Variants in EVC observed in about 807,000 individuals in gnomAD.
The protein encoded by EVC is evC complex member EVC.
Under a neutral mutation model 118.9 loss-of-function variants are expected in EVC, and 116 were observed. That is an observed-to-expected ratio of 0.98 (90% CI 0.84 to 1.14). The LOEUF (loss-of-function observed/expected upper bound fraction) is 1.14. EVC is among the 50% of genes most tolerant of loss of function. EVC has a pLI of 0.00. For missense variants in EVC, 1,401 were observed against 1,246.4 expected (o/e 1.12, Z -1.87); for synonymous variants, 619 against 534.7 (o/e 1.16, Z -2.18).
intron 2 of EVC, among the ~76,000 whole-genome samples, chr4:5,726,732 C>T (rs752048601): frequency 1.6e-5 from 2 of 124,310 alleles, no homozygotes; most frequent in South Asian, 3.1e-4. Context: ...TCCCCCCACC[C>T]GACAACAGTC....
At chr4:5,820,253 C>T in the EVC span, among the ~76,000 whole-genome samples, 1 of 152,200 alleles carries the variant, frequency 6.6e-6, no homozygotes, top group Admixed American at 6.5e-5. Flanking sequence ...TCATCACTAT[C>T]ACCAACACCA....
At chr4:5,815,259 T>C (rs1717493046), downstream of EVC, among the ~76,000 whole-genome samples, 1 of 152,112 alleles carries the variant, frequency 6.6e-6, no homozygotes, top group African/African-American at 2.4e-5. Flanking sequence ...CTCCATGAGC[T>C]TTACAGTGAA....
At chr4:5,796,468 G>T (rs1177291393) in intron 13 of EVC, among the ~76,000 whole-genome samples, 2 of 152,080 alleles carry the variant, frequency 1.3e-5, no homozygotes, top group African/African-American at 4.8e-5. Flanking sequence ...CTCCACCCAT[G>T]TTGGAATTTA....
chr4:5,752,720 C>A, intron 8 of EVC, 116 bp from the exon 9 acceptor site: 2 of 1,058,182 alleles, frequency 1.9e-6, no homozygotes, highest in Non-Finnish European at 1.5e-6. Context: ...GAGCTCCGCT[C>A]TCCCAGGCAG....
At position 5,798,566 on chromosome 4, in the gene EVC, C is replaced by T. The variant is rs1020590449; in HGVS notation, c.2098-20C>T. The T allele has an allele frequency of 6.4e-7, 1 of 1,551,738 alleles. No individual in the cohort carries two copies. The highest frequency in any genetic ancestry group is 8.7e-7 in the Non-Finnish European group (1 of 1,148,222). On this transcript the variant is annotated intron_variant, in intron 14 of 20. Transcript: ENST00000264956. The surrounding 1 kb of genome is among the most constrained non-coding windows in gnomAD (Gnocchi z 4.1). ...GTGAGAGGAGCACTTGGCCCCTGCT[C>T]CCAGTCCTTTCCCTCCCAGGAGGCG...
chr4:5,718,619 T>A (rs1423311190), intron 1 of EVC, among the ~76,000 whole-genome samples: 2 of 152,182 alleles, frequency 1.3e-5, no homozygotes, highest in Non-Finnish European at 2.9e-5. Context: ...ACTGAGCACG[T>A]GCATGCTGGG....
chr4:5,725,527 G>A (rs1725671121), intron 2 of EVC, among the ~76,000 whole-genome samples: 1 of 152,112 alleles, frequency 6.6e-6, no homozygotes. Flanking sequence ...GTTTTCTTTT[G>A]AGAAATGTCT....
At chr4:5,723,355 A>C (rs960111079) in intron 2 of EVC, among the ~76,000 whole-genome samples, 1 of 151,660 alleles carries the variant, frequency 6.6e-6, no homozygotes, top group East Asian at 1.9e-4. Context: ...ACACCCAGCT[A>C]ATTTGTGTAT....
the EVC span, among the ~76,000 whole-genome samples, chr4:5,819,895 A>G: frequency 0.49 from 73,769 of 151,822 alleles, 21,166 homozygotes; most frequent in African/African-American, 0.8. Context: ...CAACCTTGAC[A>G]AAGGTATCCA....
intron 2 of EVC, among the ~76,000 whole-genome samples, chr4:5,722,726 T>C (rs1725162195): frequency 6.6e-6 from 1 of 152,238 alleles, no homozygotes; most frequent in Non-Finnish European, 1.5e-5. Context: ...AACCCCTTTA[T>C]ATTGGTGATG....
chr4:5,719,338 G>C lies in EVC; in HGVS notation c.265G>C (p.Glu89Gln). 6.2e-7 allele frequency: 1 copy of C among 1,614,200 alleles called. No homozygotes were observed. The highest frequency in any genetic ancestry group is 8.5e-7 in the Non-Finnish European group (1 of 1,180,038). ...CTCCCCATCAAGGAGGAGGAAGAGAGAAGTGCAGATGTCGAAGGACAAGGA... is the reference window on the plus strand; with the variant it reads ...CTCCCCATCAAGGAGGAGGAAGAGACAAGTGCAGATGTCGAAGGACAAGGA... ...TGSPSRRRKR[E>Q]VQMSKDKEAV... Residue 89 changes from glutamate (E) to glutamine (Q), a missense_variant, in exon 2 of 21, where the codon GAA becomes CAA. By Grantham distance (29) the Glu-to-Gln change is conservative. Transcript: ENST00000264956. The surrounding 1 kb of genome is among the most constrained non-coding windows in gnomAD (Gnocchi z 4.7).
At chr4:5,781,374 T>C (rs894733731) in intron 11 of EVC, among the ~76,000 whole-genome samples, 5 of 152,098 alleles carry the variant, frequency 3.3e-5, no homozygotes, top group Admixed American at 6.5e-5. Context: ...GTGGCTTAGA[T>C]ACCCTGGTAG....
At position 5,733,349 on chromosome 4, in the gene EVC, A is replaced by G. The variant is rs1443064804; in HGVS notation, c.618-2A>G. 1 of 1,613,032 alleles carries G rather than the reference A, an allele frequency of 6.2e-7. No individual in the cohort carries two copies. Among genetic ancestry groups the G allele is most frequent in the Non-Finnish European group, 8.5e-7 (1 of 1,179,052 alleles). ...TTTTCCGCTTCTCATTTTATTTTGC[A>G]GTGTAGACGTTGACCTGTGTATCTA... is the stretch of plus-strand genomic sequence containing the variant. On this transcript the variant is annotated splice_acceptor_variant, in intron 4 of 20. Coordinates refer to ENST00000264956, the MANE Select transcript of EVC (RefSeq NM_153717.3). LOFTEE classifies it high-confidence loss of function.
At chr4:5,808,466 C>A (rs950519639) in intron 18 of EVC, 139 bp downstream of exon 18, 33 of 1,381,978 alleles carry the variant, frequency 2.4e-5, no homozygotes, top group Non-Finnish European at 2.8e-5. Context: ...CTGAGTCTCA[C>A]CTGCTGAGGG....
rs1577433213 is a variant in EVC at position 5,751,347 on chromosome 4, C to A, written c.1099-1489C>A. Among the ~76,000 whole-genome samples the A allele has an allele frequency of 2.6e-5, 4 of 152,190 alleles. No individual in the cohort carries two copies. The South Asian group carries it at 8.3e-4, about 32-fold the overall frequency. On this transcript the variant is annotated intron_variant, in intron 8 of 20. Transcript: ENST00000264956. The stretch of plus-strand genomic sequence containing the variant: ...ACGCCACTCTCTCCACTTCCATCCT[C>A]CCTCCAATATAAGCACATCGATTGC...
chr4:5,754,275 A>G lies in EVC; in HGVS notation c.1464+342A>G, dbSNP rs1979428. On this transcript the variant is annotated intron_variant, in intron 10 of 20. Coordinates refer to ENST00000264956, the MANE Select transcript of EVC (RefSeq NM_153717.3). This position sits in a 1 kb window ranked among gnomAD's most constrained non-coding sequence, Gnocchi z 5.8. Reference sequence around the variant, plus strand: ...AATGTGTGGCCCAGAGGGGACAAGCATGTCCCGGAGAGTAAGGCAGGCTCA... The same window carrying G: ...AATGTGTGGCCCAGAGGGGACAAGCGTGTCCCGGAGAGTAAGGCAGGCTCA... Among the ~76,000 whole-genome samples, 111,474 of 151,988 alleles carry G rather than the reference A, an allele frequency of 0.73. 41,392 individuals carry two copies. Among genetic ancestry groups the G allele is most frequent in the East Asian group, 0.82 (4,207 of 5,140 alleles).
chr4:5,827,267 G>T, the EVC span, among the ~76,000 whole-genome samples: 1 of 152,344 alleles, frequency 6.6e-6, no homozygotes, highest in African/African-American at 2.4e-5. Flanking sequence ...TCTTCAGTGG[G>T]TGTCCCAGCC....
At position 5,719,533 on chromosome 4, in the gene EVC, T is replaced by C. The variant is rs1481328403; in HGVS notation, c.300+160T>C. Among the ~76,000 whole-genome samples, 4 of 152,184 alleles carry C rather than the reference T, an allele frequency of 2.6e-5. No individual in the cohort carries two copies. Among genetic ancestry groups the C allele is most frequent in the Non-Finnish European group, 5.9e-5 (4 of 68,030 alleles). On this transcript the variant is annotated intron_variant, in intron 2 of 20. Transcript: ENST00000264956. This position sits in a 1 kb window ranked among gnomAD's most constrained non-coding sequence, Gnocchi z 4.7. ...TACATACAGTCAAATGCGCAGACTT[T>C]AGGTTTTACAGTTTGATGAGTTTTG...
chr4:5,819,861 C>A, the EVC span, among the ~76,000 whole-genome samples: 4 of 152,312 alleles, frequency 2.6e-5, no homozygotes, highest in South Asian at 8.3e-4. Flanking sequence ...AAGTCTATAA[C>A]TGACCCTGAG....
Sources: allele counts gnomAD v4.1 joint callset (sites outside exome capture counted in the v4.1 genomes callset), GRCh38; gene constraint gnomAD v4.1.1; non-coding constraint Gnocchi (gnomAD v3.1); transcripts MANE v1.5; gene names NCBI Gene and HGNC (gene_info 2026-07-23, HGNC 2026-07-21).